The following LIN28A variants were observed in gnomAD, a reference collection of about 807,000 sequenced individuals.
The protein encoded by LIN28A is lin-28 RNA binding posttranscriptional regulator A.
A neutral mutation model predicts 21.1 loss-of-function variants in LIN28A; 11 were observed. The ratio of observed to expected loss-of-function variants is 0.52; its 90% CI spans 0.33 to 0.86. The LOEUF (loss-of-function observed/expected upper bound fraction) is 0.86, where lower values mean the gene tolerates loss of function less well. Among genes scored for constraint, LIN28A ranks in the 40% least tolerant of loss-of-function variants. LIN28A has a pLI of 0.03. For synonymous variants in LIN28A, 111 were observed against 108.7 expected (o/e 1.02, Z -0.13); for missense variants, 219 against 279.8 (o/e 0.78, Z 1.55).
chr1:26,423,047 C>G (rs983235952), intron 2 of LIN28A, among the ~76,000 whole-genome samples: 4 of 152,068 alleles, frequency 2.6e-5, no homozygotes, highest in African/African-American at 9.7e-5. Flanking sequence ...ATGCTCCCAC[C>G]TCTGCTGGGA....
At position 26,426,436 on chromosome 1, in the gene LIN28A, T is replaced by G; in HGVS notation, c.608T>G (p.Leu203Arg). 2 of 1,614,178 alleles carry G rather than the reference T, an allele frequency of 1.2e-6. No homozygotes were observed. Among genetic ancestry groups the G allele is most frequent in the Non-Finnish European group, 1.7e-6 (2 of 1,179,994 alleles). Reference sequence around the variant, plus strand: ...GAAGAAGAAATCCACAGCCCTACCCTGCTCCCGGAGGCACAGAATTGAGCC... The same window carrying G: ...GAAGAAGAAATCCACAGCCCTACCCGGCTCCCGGAGGCACAGAATTGAGCC... Reference protein sequence around the residue: ...EEEEEIHSPTLLPEAQN With the variant: ...EEEEEIHSPTRLPEAQN The change falls in exon 4 of 4, where the codon CTG becomes CGG. Residue 203 changes from leucine to arginine, a missense_variant. Physicochemically the swap from Leu to Arg is moderately radical, Grantham distance 102. Coordinates refer to ENST00000326279, the MANE Select transcript of LIN28A (RefSeq NM_024674.6).
In LIN28A at chr1:26,411,628, G is replaced by A. The variant is rs748431306; in HGVS notation, c.228+46G>A. ...TTTGCCCAGGGAAGGGCGTCTAGGC[G>A]CCCATATCCACGGGTGGGCTCCGGG... On this transcript the variant is annotated intron_variant, in intron 2 of 3. Transcript: ENST00000326279. The surrounding 1 kb of genome is among the most constrained non-coding windows in gnomAD (Gnocchi z 5.4). 6.3e-7 allele frequency: 1 copy of A among 1,583,162 alleles called. No individual in the cohort carries two copies. Among genetic ancestry groups the A allele is most frequent in the East Asian group, 2.3e-5 (1 of 43,812 alleles).
At position 26,427,716 on chromosome 1, in the gene LIN28A, G is replaced by A. The variant is rs1570320014; in HGVS notation, c.*1258G>A. 6.6e-6 allele frequency: 1 copy of A among 152,168 alleles called. No individual in the cohort carries two copies. The highest frequency in any genetic ancestry group is 1.5e-5 in the Non-Finnish European group (1 of 68,052). The allele number at this position is 152,168 out of a possible 1,614,324, so 9.4% of individuals were successfully genotyped here. A position where few individuals can be genotyped will look rare whatever the true frequency, so the allele number is the denominator to read the frequency against. Reference sequence around the variant, plus strand: ...GTGTTTGTAAAACTAGAGTTGCTAAGGATAAGTTTAAAGACCAATACCCCT... The same window carrying A: ...GTGTTTGTAAAACTAGAGTTGCTAAAGATAAGTTTAAAGACCAATACCCCT... On this transcript the variant is annotated 3_prime_UTR_variant, in exon 4 of 4. Transcript: ENST00000326279.
chr1:26,413,647 C>A (rs2074974860), intron 2 of LIN28A, among the ~76,000 whole-genome samples: 3 of 152,060 alleles, frequency 2.0e-5, no homozygotes, highest in South Asian at 4.1e-4. Context: ...TCCCATTCTA[C>A]TCACAAAGCA....
chr1:26,411,349 GC>G lies in LIN28A; in HGVS notation c.32-31del. 5 of 1,501,642 alleles carry G rather than the reference GC, an allele frequency of 3.3e-6. No homozygotes were observed. Among genetic ancestry groups the G allele is most frequent in the African/African-American group, 1.4e-5 (1 of 70,746 alleles). 93.0% of individuals were successfully genotyped at this position (1,501,642 alleles called of 1,614,324 possible). On this transcript the variant is annotated intron_variant, in intron 1 of 3. Coordinates refer to ENST00000326279, the MANE Select transcript of LIN28A (RefSeq NM_024674.6). This position sits in a 1 kb window ranked among gnomAD's most constrained non-coding sequence, Gnocchi z 5.4. ...GCCCGAGACGGCCCTCCGATTCCGT[GC>G]CCCCCAGCTAAGTGCCCGGCCCTCC...
At chr1:26,417,370 GCTT>G (rs1393160288) in intron 2 of LIN28A, among the ~76,000 whole-genome samples, 2 of 152,176 alleles carry the variant, frequency 1.3e-5, no homozygotes, top group African/African-American at 4.8e-5. Flanking sequence ...TCGAATAACT[GCTT>G]CTGGGAGAAC....
intron 2 of LIN28A, among the ~76,000 whole-genome samples, chr1:26,423,407 CTTTTTCTTTTTTTT>C (rs1265867123): frequency 2.8e-5 from 2 of 72,434 alleles, no homozygotes; most frequent in Non-Finnish European, 5.3e-5. Context: ...CCTTTTTTTT[CTTTTTCTTTTTTTT>C]TTTTTTTTTT....
intron 2 of LIN28A, among the ~76,000 whole-genome samples, chr1:26,423,413 CTTT>C (rs1202952934): frequency 8.0e-4 from 63 of 78,812 alleles, no homozygotes; most frequent in African/African-American, 2.7e-3. Flanking sequence ...TTTTCTTTTT[CTTT>C]TTTTTTTTTT....
At chr1:26,415,400 A>G (rs1196426973) in intron 2 of LIN28A, among the ~76,000 whole-genome samples, 1 of 152,130 alleles carries the variant, frequency 6.6e-6, no homozygotes, top group Non-Finnish European at 1.5e-5. Flanking sequence ...GGTTTGTAAC[A>G]CTGCACCTCT....
In LIN28A at chr1:26,411,498, C is replaced by T; in HGVS notation, c.144C>T (p.Asn48=). The part of the protein sequence containing the change: ...LHGAGICKWF[N]VRMGFGFLSM... ...GTGCGGGCATCTGTAAGTGGTTCAA[C>T]GTGCGCATGGGGTTCGGCTTCCTGT... Residue 48 remains asparagine, a synonymous_variant, in exon 2 of 4, where the codon AAC becomes AAT. Transcript: ENST00000326279. The surrounding 1 kb of genome is among the most constrained non-coding windows in gnomAD (Gnocchi z 5.4). The T allele has an allele frequency of 6.2e-7, 1 of 1,614,122 alleles. No individual in the cohort carries two copies. The highest frequency in any genetic ancestry group is 8.5e-7 in the Non-Finnish European group (1 of 1,179,996).
At chr1:26,424,057 G>A (rs562829912) in intron 2 of LIN28A, among the ~76,000 whole-genome samples, 4 of 151,682 alleles carry the variant, frequency 2.6e-5, no homozygotes, top group East Asian at 3.9e-4. Flanking sequence ...CAGCGCACCC[G>A]GCCTTTTTTT....
intron 2 of LIN28A, among the ~76,000 whole-genome samples, chr1:26,422,601 A>G (rs555831178): frequency 6.6e-6 from 1 of 152,098 alleles, no homozygotes; most frequent in Non-Finnish European, 1.5e-5. Context: ...GCATTTTTAA[A>G]GTCATAAGTC....
Position 26,411,369 on chromosome 1 carries a change from G to C in LIN28A, c.32-17G>C. On this transcript the variant is annotated splice_polypyrimidine_tract_variant and intron_variant, in intron 1 of 3. Coordinates refer to ENST00000326279, the MANE Select transcript of LIN28A (RefSeq NM_024674.6). This position sits in a 1 kb window ranked among gnomAD's most constrained non-coding sequence, Gnocchi z 5.4. ...TCCGTGCCCCCCAGCTAAGTGCCCGGCCCTCCCTCTCTCCAGGTGGCTGCG... is the reference window on the plus strand; with the variant it reads ...TCCGTGCCCCCCAGCTAAGTGCCCGCCCCTCCCTCTCTCCAGGTGGCTGCG... 6.4e-7 allele frequency: 1 copy of C among 1,559,704 alleles called. No homozygotes were observed. Among genetic ancestry groups the C allele is most frequent in the Non-Finnish European group, 8.6e-7 (1 of 1,157,796 alleles).
At chr1:26,416,963 G>C (rs2074997090) in intron 2 of LIN28A, among the ~76,000 whole-genome samples, 1 of 150,144 alleles carries the variant, frequency 6.7e-6, no homozygotes, top group South Asian at 2.1e-4. Flanking sequence ...GCTTTTCTAA[G>C]CAGTAGAATA....
intron 2 of LIN28A, among the ~76,000 whole-genome samples, chr1:26,422,163 T>G (rs1000552327): frequency 6.6e-6 from 1 of 151,954 alleles, no homozygotes; most frequent in African/African-American, 2.4e-5. Context: ...TGTGTACCAC[T>G]GTGCCTGGCT....
intron 2 of LIN28A, among the ~76,000 whole-genome samples, chr1:26,418,850 TTTCTATATCTAG>T (rs2075012441): frequency 7.5e-6 from 1 of 132,654 alleles, no homozygotes; most frequent in Non-Finnish European, 1.6e-5. Context: ...AAGGAAGAAT[TTTCTATATCTAG>T]TTCTCTCCCG....
chr1:26,416,784 A>C (rs2074996012), intron 2 of LIN28A, among the ~76,000 whole-genome samples: 1 of 151,772 alleles, frequency 6.6e-6, no homozygotes, highest in South Asian at 2.1e-4. Flanking sequence ...TGCCCGGCTA[A>C]TGTTTTGTAT....
chr1:26,419,794 C>A (rs1054333333), intron 2 of LIN28A, among the ~76,000 whole-genome samples: 2 of 152,120 alleles, frequency 1.3e-5, no homozygotes, highest in African/African-American at 4.8e-5. Flanking sequence ...TGAATCACAG[C>A]TAGAACTAGG....
chr1:26,414,476 C>G (rs1403847152), intron 2 of LIN28A, among the ~76,000 whole-genome samples: 1 of 152,160 alleles, frequency 6.6e-6, no homozygotes, highest in Non-Finnish European at 1.5e-5. Context: ...TTCTTATGCT[C>G]TCTCCCAAAT....
Sources: allele counts gnomAD v4.1 joint callset (sites outside exome capture counted in the v4.1 genomes callset), GRCh38; gene constraint gnomAD v4.1.1; non-coding constraint Gnocchi (gnomAD v3.1); transcripts MANE v1.5; gene names NCBI Gene and HGNC (gene_info 2026-07-23, HGNC 2026-07-21).